Variants in CSMD1 observed in about 807,000 individuals in gnomAD.
CSMD1 encodes CUB and sushi domain-containing protein 1.
A neutral mutation model predicts 417.5 loss-of-function variants in CSMD1; 213 were observed. The observed-to-expected ratio is 0.51, with a 90% CI of 0.46 to 0.57. CSMD1 has a LOEUF of 0.57. CSMD1 is among the 20% of genes least tolerant of loss of function. The pLI is 0.00. For missense variants in CSMD1, 6,923 were observed against 4,529.7 expected (o/e 1.53, Z -15.17); for synonymous variants, 2,862 against 1,736.8 (o/e 1.65, Z -16.11).
intron 1 of CSMD1, among the ~76,000 whole-genome samples, chr8:4,676,033 A>G (rs1805662653): frequency 6.6e-6 from 1 of 152,234 alleles, no homozygotes; most frequent in Admixed American, 6.5e-5. Flanking sequence ...GAAGCAAATT[A>G]TTCACTTTTA....
chr8:3,241,066 T>G lies in CSMD1; in HGVS notation c.4154-10835A>C, dbSNP rs182958012. Among the ~76,000 whole-genome samples the G allele has an allele frequency of 1.3e-4, 19 of 147,394 alleles. 1 individual carries two copies. Among genetic ancestry groups the G allele is most frequent in the African/African-American group, 4.5e-4 (18 of 40,410 alleles). On this transcript the variant is annotated intron_variant, in intron 26 of 69. Transcript: ENST00000635120. ...GGTATCTCATACTTGTGGGTTAAGG[T>G]GAGGGGATACAAGAGGAGGACGCAA...
chr8:3,615,122 C>G (rs1431621885), intron 8 of CSMD1, among the ~76,000 whole-genome samples: 2 of 152,170 alleles, frequency 1.3e-5, no homozygotes, highest in Non-Finnish European at 2.9e-5. Flanking sequence ...CTTCTGTTAG[C>G]TGCCAGCTGG....
At chr8:4,279,376 C>A (rs749975917) in intron 3 of CSMD1, among the ~76,000 whole-genome samples, 4 of 152,186 alleles carry the variant, frequency 2.6e-5, no homozygotes, top group African/African-American at 7.2e-5. Flanking sequence ...AACAGAATGT[C>A]AAGTATCTTC....
At chr8:3,547,363 A>G (rs190384867) in intron 10 of CSMD1, among the ~76,000 whole-genome samples, 8 of 152,350 alleles carry the variant, frequency 5.3e-5, no homozygotes, top group Admixed American at 3.9e-4. Context: ...GAAAAATATC[A>G]AAACCATTTA....
At chr8:4,773,638 T>C (rs534958537) in intron 1 of CSMD1, among the ~76,000 whole-genome samples, 59 of 152,316 alleles carry the variant, frequency 3.9e-4, no homozygotes, top group Admixed American at 1.4e-3. Context: ...TTTTGGGTTA[T>C]TGAACGAGCA....
At chr8:3,549,285 C>T (rs570006569) in intron 10 of CSMD1, among the ~76,000 whole-genome samples, 1 of 152,336 alleles carries the variant, frequency 6.6e-6, no homozygotes, top group South Asian at 2.1e-4. Context: ...ACTGTGTGTC[C>T]TGCAAAATCT....
Position 2,963,493 on chromosome 8 carries a change from G to C in CSMD1, c.9281-98C>G, listed in dbSNP as rs1169141753. 9.8e-6 allele frequency: 12 copies of C among 1,222,356 alleles called. No individual in the cohort carries two copies. The African/African-American group carries it at 1.3e-4, about 14-fold the overall frequency. 75.7% of individuals were successfully genotyped at this position (1,222,356 alleles called of 1,614,324 possible). A position where few individuals can be genotyped will look rare whatever the true frequency, so the allele number is the denominator to read the frequency against. ...TTTTAATTTTACCTGAATTACAAAT[G>C]ACATCTACATAGGTTTTTAAAAAAA... is the stretch of plus-strand genomic sequence containing the variant. On this transcript the variant is annotated intron_variant, in intron 59 of 69. Transcript: ENST00000635120.
intron 3 of CSMD1, among the ~76,000 whole-genome samples, chr8:4,085,941 T>C (rs1022156813): frequency 2.6e-5 from 4 of 152,164 alleles, no homozygotes; most frequent in Non-Finnish European, 5.9e-5. Flanking sequence ...TCTGTATTAT[T>C]TCTTACAAGT....
At chr8:4,293,535 T>G (rs778918818) in intron 3 of CSMD1, among the ~76,000 whole-genome samples, 1 of 152,164 alleles carries the variant, frequency 6.6e-6, no homozygotes, top group Non-Finnish European at 1.5e-5. Flanking sequence ...AACCATGAAA[T>G]AGACTTGTCA....
rs187663069 is a variant in CSMD1 at position 3,521,612 on chromosome 8, C to G, written c.1345-27886G>C. 5.3e-5 allele frequency among the ~76,000 whole-genome samples: 8 copies of G among 152,228 alleles called. No homozygotes were observed. In the East Asian group the frequency reaches 1.5e-3, roughly 29 times the overall value. ...GCTCCTTCTTGGTGTTTAGCTAAATCCCTTGTACACGGAGCAAAGTACATT... is the reference window on the plus strand; with the variant it reads ...GCTCCTTCTTGGTGTTTAGCTAAATGCCTTGTACACGGAGCAAAGTACATT... On this transcript the variant is annotated intron_variant, in intron 10 of 69. Coordinates refer to ENST00000635120, the MANE Select transcript of CSMD1 (RefSeq NM_033225.6).
intron 1 of CSMD1, among the ~76,000 whole-genome samples, chr8:4,748,784 T>G (rs1337669880): frequency 6.6e-6 from 1 of 152,202 alleles, no homozygotes; most frequent in East Asian, 1.9e-4. Context: ...GAATAGGTAT[T>G]TAGTAGCGTG....
intron 10 of CSMD1, among the ~76,000 whole-genome samples, chr8:3,541,805 G>T (rs1798451836): frequency 6.6e-6 from 1 of 151,224 alleles, no homozygotes; most frequent in Non-Finnish European, 1.5e-5. Flanking sequence ...CAAAAAATTT[G>T]TGCTGGGCAT....
chr8:3,297,970 C>G (rs1015191566), intron 25 of CSMD1, among the ~76,000 whole-genome samples: 3 of 152,006 alleles, frequency 2.0e-5, no homozygotes, highest in Non-Finnish European at 2.9e-5. Flanking sequence ...AGAGGATATT[C>G]AAAAGGCCAA....
chr8:4,550,509 G>C (rs192385148), intron 2 of CSMD1, among the ~76,000 whole-genome samples: 1 of 151,856 alleles, frequency 6.6e-6, no homozygotes, highest in Non-Finnish European at 1.5e-5. Context: ...TTAACTGTGC[G>C]GAAGCTGTTA....
chr8:4,185,209 G>C (rs933382756), intron 3 of CSMD1, among the ~76,000 whole-genome samples: 2 of 149,712 alleles, frequency 1.3e-5, no homozygotes, highest in Non-Finnish European at 3.0e-5. Flanking sequence ...GCAAAAATGA[G>C]TACAGGCTGG....
intron 5 of CSMD1, among the ~76,000 whole-genome samples, chr8:3,823,635 A>C (rs1489461382): frequency 6.6e-6 from 1 of 152,190 alleles, no homozygotes; most frequent in Non-Finnish European, 1.5e-5. Flanking sequence ...TTATAAAAAT[A>C]ATGTATAACA....
chr8:3,890,904 T>C (rs1806928606), intron 5 of CSMD1, among the ~76,000 whole-genome samples: 1 of 152,112 alleles, frequency 6.6e-6, no homozygotes, highest in African/African-American at 2.4e-5. Flanking sequence ...CTAGCTACTC[T>C]CTCATAGGAC....
At chr8:3,343,854 C>T (rs186071727) in intron 22 of CSMD1, among the ~76,000 whole-genome samples, 1 of 152,148 alleles carries the variant, frequency 6.6e-6, no homozygotes, top group African/African-American at 2.4e-5. Context: ...GAACTCTCAA[C>T]TAAGTCAAAG....
At chr8:4,351,256 T>C (rs1035716102) in intron 3 of CSMD1, among the ~76,000 whole-genome samples, 5 of 152,218 alleles carry the variant, frequency 3.3e-5, no homozygotes, top group Non-Finnish European at 7.3e-5. Flanking sequence ...CCTGTCTTTC[T>C]AAGAAGTAAA....
Sources: allele counts gnomAD v4.1 joint callset (sites outside exome capture counted in the v4.1 genomes callset), GRCh38; gene constraint gnomAD v4.1.1; transcripts MANE v1.5; gene names NCBI Gene and HGNC (gene_info 2026-07-23, HGNC 2026-07-21).